The following TNFSF8 variants were observed in gnomAD, a reference collection of about 807,000 sequenced individuals.
TNFSF8 encodes the protein TNF superfamily member 8.
TNFSF8 carries 4 observed loss-of-function variants against 22.0 expected under a neutral mutation model. The observed-to-expected ratio is 0.18, with a 90% CI of 0.09 to 0.42. The LOEUF is 0.42. Ranked by LOEUF, TNFSF8 falls within the 10% of genes least tolerant of loss-of-function variation. The pLI is 1.00. For synonymous variants in TNFSF8, 106 were observed against 112.5 expected, an observed-to-expected ratio of 0.94 and a Z score of 0.37; for missense variants, 233 against 281.8, an observed-to-expected ratio of 0.83 and a Z score of 1.24.
At chr9:114,916,316 T>C (rs1407213072) in intron 2 of TNFSF8, among the ~76,000 whole-genome samples, 1 of 152,166 alleles carries the variant, frequency 6.6e-6, no homozygotes, top group Non-Finnish European at 1.5e-5. Context: ...ATGAAAACTT[T>C]ATCAACTTTA....
At chr9:114,916,352 G>A (rs1157263446) in intron 2 of TNFSF8, among the ~76,000 whole-genome samples, 3 of 152,154 alleles carry the variant, frequency 2.0e-5, no homozygotes, top group Admixed American at 1.3e-4. Context: ...ACTAGTTAGA[G>A]CCCCTATGCT....
downstream of TNFSF8, among the ~76,000 whole-genome samples, chr9:114,899,988 T>C (rs118117537): frequency 4.4e-3 from 677 of 152,336 alleles, 13 homozygotes; most frequent in East Asian, 0.027. Flanking sequence ...TAGCTTTGTG[T>C]GTAACAGCAA....
At chr9:114,912,351 ATAGT>A (rs1827862147) in intron 2 of TNFSF8, among the ~76,000 whole-genome samples, 1 of 152,216 alleles carries the variant, frequency 6.6e-6, no homozygotes. Context: ...TTGTGTCTAG[ATAGT>A]TTGAATGAAA....
intron 1 of TNFSF8, among the ~76,000 whole-genome samples, chr9:114,920,058 C>G (rs1252018692): frequency 3.3e-5 from 5 of 152,186 alleles, no homozygotes; most frequent in Non-Finnish European, 5.9e-5. Flanking sequence ...CCTAACAAAG[C>G]TAAGTTTTTG....
At chr9:114,899,932 T>A (rs1341682428), downstream of TNFSF8, among the ~76,000 whole-genome samples, 1 of 152,124 alleles carries the variant, frequency 6.6e-6, no homozygotes, top group Non-Finnish European at 1.5e-5. Context: ...TATAGAAAAA[T>A]GGCAACTAGG....
chr9:114,897,946 T>C (rs1461262348), downstream of TNFSF8, among the ~76,000 whole-genome samples: 2 of 152,126 alleles, frequency 1.3e-5, no homozygotes, highest in East Asian at 3.8e-4. Flanking sequence ...ACATTGGCCA[T>C]GCTCCTCAAC....
downstream of TNFSF8, among the ~76,000 whole-genome samples, chr9:114,898,090 C>T (rs1168200334): frequency 1.3e-5 from 2 of 151,806 alleles, no homozygotes; most frequent in Non-Finnish European, 2.9e-5. Flanking sequence ...GCAACCTCTG[C>T]CTCCTGGGTT....
At chr9:114,916,973 A>G (rs142271718) in intron 2 of TNFSF8, among the ~76,000 whole-genome samples, 5 of 152,332 alleles carry the variant, frequency 3.3e-5, no homozygotes, top group Non-Finnish European at 5.9e-5. Flanking sequence ...AAAATGAGAT[A>G]TTGTTGACAA....
At chr9:114,923,427 A>C (rs1340497784) in intron 1 of TNFSF8, among the ~76,000 whole-genome samples, 1 of 151,916 alleles carries the variant, frequency 6.6e-6, no homozygotes, top group African/African-American at 2.4e-5. Flanking sequence ...CCAAGTGAAG[A>C]GTATTTATGT....
chr9:114,900,363 T>C (rs1357907161), downstream of TNFSF8, among the ~76,000 whole-genome samples: 2 of 152,202 alleles, frequency 1.3e-5, no homozygotes, highest in African/African-American at 2.4e-5. Context: ...CCAGGCTTGA[T>C]GGAAGTCCCA....
At position 114,903,689 on chromosome 9, in the gene TNFSF8, G is replaced by A. The variant is rs965975392; in HGVS notation, c.*242C>T. 1.3e-5 allele frequency: 16 copies of A among 1,222,318 alleles called. 1 individual carries two copies. The African/African-American group carries it at 2.0e-4, about 15-fold the overall frequency. 75.7% of individuals were successfully genotyped at this position (1,222,318 alleles called of 1,614,324 possible). Reference sequence around the variant, plus strand: ...ACATCCATTCATCCCTTCTGATTCTGTGTGGGGCTCTGCCCACCACACTAC... The same window carrying A: ...ACATCCATTCATCCCTTCTGATTCTATGTGGGGCTCTGCCCACCACACTAC... On this transcript the variant is annotated 3_prime_UTR_variant, in exon 4 of 4. Transcript: ENST00000223795.
chr9:114,901,061 G>T (rs71505529), downstream of TNFSF8: 2 of 985,164 alleles, frequency 2.0e-6, no homozygotes, highest in African/African-American at 1.7e-5. Flanking sequence ...GTGTGGTGGG[G>T]AGGTGGGGTT....
At chr9:114,908,487 C>T (rs1443623224) in intron 2 of TNFSF8, among the ~76,000 whole-genome samples, 1 of 152,176 alleles carries the variant, frequency 6.6e-6, no homozygotes, top group Non-Finnish European at 1.5e-5. Flanking sequence ...CGAAAGCCCT[C>T]TTACACTGTT....
intron 2 of TNFSF8, among the ~76,000 whole-genome samples, chr9:114,915,025 A>C (rs4978611): frequency 0.56 from 85,649 of 152,042 alleles, 25,858 homozygotes; most frequent in African/African-American, 0.78. Flanking sequence ...CAGCCAGTGA[A>C]AAAGGGCTCC....
At position 114,902,342 on chromosome 9, in the gene TNFSF8, G is replaced by A; in HGVS notation, c.*1589C>T. 1.0e-6 allele frequency: 1 copy of A among 985,410 alleles called. No homozygotes were observed. The highest frequency in any genetic ancestry group is 1.7e-5 in the African/African-American group (1 of 57,344). The allele number at this position is 985,410 out of a possible 1,614,324, so 61.0% of individuals were successfully genotyped here. On this transcript the variant is annotated 3_prime_UTR_variant, in exon 4 of 4. Coordinates refer to ENST00000223795, the MANE Select transcript of TNFSF8 (RefSeq NM_001244.4). The stretch of plus-strand genomic sequence containing the variant: ...TTGAAGCAGGAATATATTATGCAGG[G>A]GATGGAGCAGCCATTCCCTGGCTAG...
At chr9:114,909,059 T>C (rs1471388866) in intron 2 of TNFSF8, among the ~76,000 whole-genome samples, 2 of 152,192 alleles carry the variant, frequency 1.3e-5, no homozygotes, top group Non-Finnish European at 2.9e-5. Context: ...TATGTCACAC[T>C]GTGAGTCACA....
intron 4 of TNFSF8, chr9:114,894,217 C>G (rs1433586734): frequency 2.8e-6 from 4 of 1,447,106 alleles, no homozygotes; most frequent in Non-Finnish European, 3.7e-6. Flanking sequence ...AGATGTGATA[C>G]ATTTTGACGT....
In TNFSF8 at chr9:114,902,159, A is replaced by C; in HGVS notation, c.*1772T>G. Reference sequence around the variant, plus strand: ...CCTCCAAAGATGATGTACAGATGCCAAGTTGGATATAGCTAGAGAAATCTC... The same window carrying C: ...CCTCCAAAGATGATGTACAGATGCCCAGTTGGATATAGCTAGAGAAATCTC... On this transcript the variant is annotated 3_prime_UTR_variant, in exon 4 of 4. Coordinates refer to ENST00000223795, the MANE Select transcript of TNFSF8 (RefSeq NM_001244.4). The C allele has an allele frequency of 1.0e-6, 1 of 985,422 alleles. No homozygotes were observed. The allele number at this position is 985,422 out of a possible 1,614,324, so 61.0% of individuals were successfully genotyped here. A position where few individuals can be genotyped will look rare whatever the true frequency, so the allele number is the denominator to read the frequency against.
intron 1 of TNFSF8, among the ~76,000 whole-genome samples, chr9:114,925,302 C>G (rs1185705545): frequency 2.6e-5 from 4 of 152,192 alleles, no homozygotes; most frequent in Non-Finnish European, 4.4e-5. Context: ...ATAGCATGCT[C>G]ACTTAACAGC....
Sources: gnomAD v4.1 joint callset for allele counts (sites outside exome capture counted in the v4.1 genomes callset) on GRCh38, gnomAD v4.1.1 for gene constraint, MANE v1.5 for transcripts, NCBI Gene and HGNC (gene_info 2026-07-23, HGNC 2026-07-21) for gene names.